Variants in PPP2R2D observed in about 807,000 individuals in gnomAD.
The protein encoded by PPP2R2D is serine/threonine-protein phosphatase 2A 55 kDa regulatory subunit B delta isoform.
Under a neutral mutation model 31.1 loss-of-function variants are expected in PPP2R2D, and 9 were observed. That is an observed-to-expected ratio of 0.29 (90% confidence interval 0.17 to 0.51). The LOEUF (loss-of-function observed/expected upper bound fraction) is 0.51. Ranked by LOEUF, PPP2R2D falls within the 20% of genes least tolerant of loss-of-function variation. PPP2R2D has a pLI of 0.98. For synonymous variants in PPP2R2D, 179 were observed against 172.6 expected (o/e 1.04, Z -0.29); for missense variants, 391 against 465.6 (o/e 0.84, Z 1.48).
intron 5 of PPP2R2D, 135 bp downstream of exon 5, chr10:131,940,829 C>T (rs2036428677): frequency 1.7e-6 from 1 of 578,344 alleles, no homozygotes; most frequent in African/African-American, 1.9e-5. Context: ...TCCTGAAAGT[C>T]GTTTGCACTC....
chr10:131,932,655 A>AAAAAAAAAAAAAAAAAAC (rs2036259535), intron 2 of PPP2R2D, among the ~76,000 whole-genome samples: 1 of 148,594 alleles, frequency 6.7e-6, no homozygotes, highest in South Asian at 2.1e-4. Context: ...TCAAAAAAAA[A>AAAAAAAAAAAAAAAAAAC]AAAAAAAAAA....
In PPP2R2D at chr10:131,955,965, G is replaced by T; in HGVS notation, c.*2G>T. 1 of 1,497,950 alleles carries T rather than the reference G, an allele frequency of 6.7e-7. No homozygotes were observed. The highest frequency in any genetic ancestry group is 9.0e-7 in the Non-Finnish European group (1 of 1,114,296). 92.8% of individuals were successfully genotyped at this position (1,497,950 alleles called of 1,614,324 possible). A position where few individuals can be genotyped will look rare whatever the true frequency, so the allele number is the denominator to read the frequency against. On this transcript the variant is annotated 3_prime_UTR_variant, in exon 9 of 9. Transcript: ENST00000455566. Reference sequence around the variant, plus strand: ...ATATTCCAGGACAAAATCAACTAGAGACGCGAACGTGAGGACCAAGTCTTG... The same window carrying T: ...ATATTCCAGGACAAAATCAACTAGATACGCGAACGTGAGGACCAAGTCTTG...
chr10:131,955,183 T>C (rs2036770970), intron 8 of PPP2R2D, among the ~76,000 whole-genome samples: 1 of 152,222 alleles, frequency 6.6e-6, no homozygotes, highest in African/African-American at 2.4e-5. Flanking sequence ...TGCCACACTT[T>C]GCCCAGTGGA....
intron 2 of PPP2R2D, among the ~76,000 whole-genome samples, chr10:131,909,295 T>A (rs1415883294): frequency 6.6e-6 from 1 of 152,202 alleles, no homozygotes; most frequent in Non-Finnish European, 1.5e-5. Context: ...CTCAGGACTC[T>A]GAGTGATTGT....
chr10:131,955,616 T>G, intron 8 of PPP2R2D, 68 bp from the exon 9 acceptor site: 9 of 1,330,390 alleles, frequency 6.8e-6, no homozygotes, highest in Non-Finnish European at 8.7e-6. Flanking sequence ...ACCCCAGGGG[T>G]GGGGTCTGAG....
At chr10:131,929,327 G>A (rs1589942457) in intron 2 of PPP2R2D, among the ~76,000 whole-genome samples, 2 of 152,218 alleles carry the variant, frequency 1.3e-5, no homozygotes, top group Admixed American at 1.3e-4. Context: ...GTCTGGTGTT[G>A]CCCTTAGTGT....
intron 5 of PPP2R2D, among the ~76,000 whole-genome samples, chr10:131,943,317 T>A (rs1053346906): frequency 2.0e-5 from 3 of 152,174 alleles, no homozygotes; most frequent in African/African-American, 7.2e-5. Flanking sequence ...TACCTTCTAC[T>A]TTTTGTTTTA....
At chr10:131,961,162 T>A (rs2036914601), downstream of PPP2R2D, among the ~76,000 whole-genome samples, 1 of 152,154 alleles carries the variant, frequency 6.6e-6, no homozygotes, top group South Asian at 2.1e-4. Flanking sequence ...CGGCCGACGC[T>A]TCCCCAACCC....
At chr10:131,941,045 C>T (rs1417944561) in intron 5 of PPP2R2D, among the ~76,000 whole-genome samples, 1 of 152,072 alleles carries the variant, frequency 6.6e-6, no homozygotes, top group Non-Finnish European at 1.5e-5. Context: ...TTCAGAACAC[C>T]TCACAGGTGC....
At chr10:131,952,355 GT>G (rs2036663807) in intron 8 of PPP2R2D, among the ~76,000 whole-genome samples, 3 of 58,208 alleles carry the variant, frequency 5.2e-5, no homozygotes, top group Admixed American at 2.7e-4. Flanking sequence ...TGTGGGGGGG[GT>G]TCACTGTCTT....
At chr10:131,940,821 C>T (rs1245509610) in intron 5 of PPP2R2D, 127 bp downstream of exon 5, 1 of 584,044 alleles carries the variant, frequency 1.7e-6, no homozygotes, top group Admixed American at 3.2e-5. Context: ...CTCGTGATTC[C>T]TGAAAGTCGT....
downstream of PPP2R2D, among the ~76,000 whole-genome samples, chr10:131,962,357 C>A (rs1554901582): frequency 6.6e-6 from 1 of 152,302 alleles, no homozygotes; most frequent in Admixed American, 6.5e-5. Flanking sequence ...CACTCACTCA[C>A]CAGATGCAGA....
In PPP2R2D at chr10:131,901,165, C is replaced by T. The variant is rs1285135804; in HGVS notation, c.7+10C>T. 13 of 308,318 alleles carry T rather than the reference C, an allele frequency of 4.2e-5. No homozygotes were observed. Among genetic ancestry groups the T allele is most frequent in the Non-Finnish European group, 6.5e-5 (11 of 169,740 alleles). The allele number at this position is 308,318 out of a possible 1,614,324, so 19.1% of individuals were successfully genotyped here. ...CCGGCTGCCATGGCAGGTGAGGGGTCTGCGCGGGCCGGCGGGGACCACGGG... is the reference window on the plus strand; with the variant it reads ...CCGGCTGCCATGGCAGGTGAGGGGTTTGCGCGGGCCGGCGGGGACCACGGG... On this transcript the variant is annotated intron_variant, in intron 1 of 8. Transcript: ENST00000455566.
chr10:131,903,604 CGTG>C lies in PPP2R2D; in HGVS notation c.100+2277_100+2279del, dbSNP rs2035536509. Among the ~76,000 whole-genome samples the C allele has an allele frequency of 4.6e-5, 7 of 151,590 alleles. No individual in the cohort carries two copies. The South Asian group carries it at 1.5e-3, about 31-fold the overall frequency. On this transcript the variant is annotated intron_variant, in intron 2 of 8. Coordinates refer to ENST00000455566, the MANE Select transcript of PPP2R2D (RefSeq NM_018461.5). ...CCAAAAGTTTGGTATTTCGAGTTGT[CGTG>C]GTTTCTTTTGTAACATTGCTTTGTG...
rs949467074 is a variant in PPP2R2D at position 131,906,949 on chromosome 10, G to A, written c.100+5619G>A. 4.2e-3 allele frequency among the ~76,000 whole-genome samples: 630 copies of A among 151,070 alleles called. 2 individuals are homozygous for A. Among genetic ancestry groups the A allele is most frequent in the Non-Finnish European group, 6.8e-3 (459 of 67,740 alleles). ...GAGTGAGACCTTGTCTCAGAAAAAAGAAAAAATAATAATAATTATATATGT... is the reference window on the plus strand; with the variant it reads ...GAGTGAGACCTTGTCTCAGAAAAAAAAAAAAATAATAATAATTATATATGT... On this transcript the variant is annotated intron_variant, in intron 2 of 8. Transcript: ENST00000455566.
At chr10:131,913,538 G>C (rs1415326378) in intron 2 of PPP2R2D, among the ~76,000 whole-genome samples, 3 of 152,172 alleles carry the variant, frequency 2.0e-5, no homozygotes, top group Non-Finnish European at 4.4e-5. Context: ...GTTTGGGTCA[G>C]TAATGGGGTG....
At chr10:131,930,116 T>C (rs2036192505) in intron 2 of PPP2R2D, among the ~76,000 whole-genome samples, 1 of 152,282 alleles carries the variant, frequency 6.6e-6, no homozygotes, top group African/African-American at 2.4e-5. Flanking sequence ...AGGTAAATAT[T>C]GTGTATTACT....
At position 131,947,516 on chromosome 10, in the gene PPP2R2D, A is replaced by G; in HGVS notation, c.821-14A>G. ...TTTAAACAGAAGCTGAAAACATTTTATTTTGTTTTTCAGTTTTTGAAGAGC... is the reference window on the plus strand; with the variant it reads ...TTTAAACAGAAGCTGAAAACATTTTGTTTTGTTTTTCAGTTTTTGAAGAGC... On this transcript the variant is annotated splice_polypyrimidine_tract_variant and intron_variant, in intron 7 of 8. Transcript: ENST00000455566. This position sits in a 1 kb window ranked among gnomAD's most constrained non-coding sequence, Gnocchi z 4.3. 2 of 1,607,666 alleles carry G rather than the reference A, an allele frequency of 1.2e-6. No individual in the cohort carries two copies. Among genetic ancestry groups the G allele is most frequent in the Non-Finnish European group, 1.7e-6 (2 of 1,176,334 alleles).
At chr10:131,917,338 T>A (rs1589929014) in intron 2 of PPP2R2D, among the ~76,000 whole-genome samples, 1 of 106,176 alleles carries the variant, frequency 9.4e-6, no homozygotes, top group African/African-American at 4.0e-5. Context: ...CTCAGGCGGG[T>A]GGGATGACAC....
Sources: gnomAD v4.1 joint callset for allele counts (sites outside exome capture counted in the v4.1 genomes callset) on GRCh38, gnomAD v4.1.1 for gene constraint, Gnocchi (gnomAD v3.1) non-coding constraint, MANE v1.5 for transcripts, NCBI Gene and HGNC (gene_info 2026-07-23, HGNC 2026-07-21) for gene names.